The following REEP3 variants were observed in gnomAD, a reference collection of about 807,000 sequenced individuals.
The protein encoded by REEP3 is receptor expression-enhancing protein 3.
A neutral mutation model predicts 41.3 loss-of-function variants in REEP3; 20 were observed. The observed-to-expected ratio is 0.48, with a 90% CI of 0.34 to 0.70. The LOEUF (loss-of-function observed/expected upper bound fraction) is 0.70. REEP3 is among the 30% of genes least tolerant of loss of function. The pLI, the probability that REEP3 is intolerant of heterozygous loss-of-function variation, is 0.01. For synonymous variants in REEP3, 104 were observed against 101.8 expected, an observed-to-expected ratio of 1.02 and a Z score of -0.13; for missense variants, 271 against 308.8, an observed-to-expected ratio of 0.88 and a Z score of 0.92.
intron 2 of REEP3, among the ~76,000 whole-genome samples, chr10:63,580,180 A>G (rs1955938835): frequency 6.6e-6 from 1 of 152,088 alleles, no homozygotes; most frequent in Non-Finnish European, 1.5e-5. Flanking sequence ...TCTGTCGCCC[A>G]GGCTGGAGTG....
intron 5 of REEP3, among the ~76,000 whole-genome samples, chr10:63,603,436 C>T (rs550008125): frequency 1.6e-4 from 25 of 151,654 alleles, no homozygotes; most frequent in African/African-American, 4.8e-4. Context: ...TTTCATATAT[C>T]TATTTTTCTG....
chr10:63,552,867 T>C (rs1955642397), intron 1 of REEP3, among the ~76,000 whole-genome samples: 2 of 152,196 alleles, frequency 1.3e-5, no homozygotes, highest in Admixed American at 1.3e-4. Flanking sequence ...GTAGTGTAGT[T>C]CTTGTGGCAC....
intron 6 of REEP3, among the ~76,000 whole-genome samples, chr10:63,612,229 C>T (rs563446594): frequency 4.6e-5 from 7 of 152,096 alleles, no homozygotes; most frequent in Non-Finnish European, 8.8e-5. Flanking sequence ...GGCTGGAGTG[C>T]GGTGGTACGA....
chr10:63,531,951 T>C (rs749880431), intron 1 of REEP3, among the ~76,000 whole-genome samples: 5 of 152,224 alleles, frequency 3.3e-5, no homozygotes, highest in Non-Finnish European at 7.3e-5. Flanking sequence ...AAAATTCCTA[T>C]GTTTACAGAG....
In REEP3 at chr10:63,556,473, AATACTC is replaced by A. The variant is rs1955681044; in HGVS notation, c.33-9863_33-9858del. ...CAGTCTATATTAATATTAGAGAACT[AATACTC>A]AAACAGAATTTGAGTGAACTATTAT... On this transcript the variant is annotated intron_variant, in intron 1 of 7. Transcript: ENST00000373758. Among the ~76,000 whole-genome samples, 10 of 115,688 alleles carry A rather than the reference AATACTC, an allele frequency of 8.6e-5. No homozygotes were observed. In the South Asian group the frequency reaches 2.4e-3, roughly 28 times the overall value. The allele number at this position is 115,688 out of a possible 152,430, so 75.9% of individuals were successfully genotyped here.
Position 63,573,636 on chromosome 10 carries a change from AC to A in REEP3, c.105+7228del, listed in dbSNP as rs200544691. The stretch of plus-strand genomic sequence containing the variant: ...TCTGCTGACTTGGTTTTTGAAAGTG[AC>A]CTAATTTTCGACTGACTATTTAGGT... On this transcript the variant is annotated intron_variant, in intron 2 of 7. Transcript: ENST00000373758. Among the ~76,000 whole-genome samples the A allele has an allele frequency of 1.6e-3, 244 of 152,342 alleles. 3 individuals carry two copies. In the South Asian group the frequency reaches 0.028, roughly 17 times the overall value.
intron 1 of REEP3, among the ~76,000 whole-genome samples, chr10:63,547,028 TCTC>T (rs1383094987): frequency 1.3e-5 from 2 of 151,914 alleles, no homozygotes; most frequent in Non-Finnish European, 2.9e-5. Flanking sequence ...TTCAAGCAAT[TCTC>T]CTGCCTCAGC....
At chr10:63,526,016 A>G (rs1471866511) in intron 1 of REEP3, among the ~76,000 whole-genome samples, 1 of 152,208 alleles carries the variant, frequency 6.6e-6, no homozygotes, top group East Asian at 1.9e-4. Context: ...AGTAAATGCT[A>G]GTAGTAGTTA....
chr10:63,567,704 T>C (rs1490431007), intron 2 of REEP3, among the ~76,000 whole-genome samples: 1 of 152,206 alleles, frequency 6.6e-6, no homozygotes, highest in Non-Finnish European at 1.5e-5. Context: ...GATATATAGC[T>C]GTGGTTCTTT....
chr10:63,580,364 T>G (rs926032642), intron 2 of REEP3, among the ~76,000 whole-genome samples: 1 of 152,142 alleles, frequency 6.6e-6, no homozygotes, highest in Non-Finnish European at 1.5e-5. Flanking sequence ...CTCAAACTCC[T>G]AGATTCAAGT....
At chr10:63,557,789 A>C (rs1955703220) in intron 1 of REEP3, among the ~76,000 whole-genome samples, 1 of 152,260 alleles carries the variant, frequency 6.6e-6, no homozygotes, top group South Asian at 2.1e-4. Context: ...TAGCAATCAA[A>C]GAAAATAAAA....
intron 1 of REEP3, among the ~76,000 whole-genome samples, chr10:63,560,385 C>T (rs1315161726): frequency 6.6e-6 from 1 of 152,116 alleles, no homozygotes; most frequent in Non-Finnish European, 1.5e-5. Flanking sequence ...GTATATCAGA[C>T]TTGTTTGGTT....
chr10:63,525,620 C>T (rs1006187829), intron 1 of REEP3, among the ~76,000 whole-genome samples: 5 of 151,908 alleles, frequency 3.3e-5, no homozygotes, highest in Admixed American at 6.6e-5. Context: ...GGTTTCACCA[C>T]GTTGGCCAGG....
intron 1 of REEP3, among the ~76,000 whole-genome samples, chr10:63,548,077 G>A (rs1315401815): frequency 6.6e-6 from 1 of 152,184 alleles, no homozygotes; most frequent in Non-Finnish European, 1.5e-5. Flanking sequence ...TCATGAGATG[G>A]CACTGGGATC....
At position 63,609,837 on chromosome 10, in the gene REEP3, A is replaced by G. The variant is rs569241328; in HGVS notation, c.418-350A>G. On this transcript the variant is annotated intron_variant, in intron 5 of 7. Coordinates refer to ENST00000373758, the MANE Select transcript of REEP3 (RefSeq NM_001001330.3). ...CCCTAAATATTAAAGTTTAAGCCCCAAAGTGCTAGTTTTAGGAGACATCAA... is the reference window on the plus strand; with the variant it reads ...CCCTAAATATTAAAGTTTAAGCCCCGAAGTGCTAGTTTTAGGAGACATCAA... 9.2e-5 allele frequency among the ~76,000 whole-genome samples: 14 copies of G among 152,328 alleles called. No homozygotes were observed. The South Asian group carries it at 2.7e-3, about 29-fold the overall frequency.
At chr10:63,564,794 T>A (rs1955781201) in intron 1 of REEP3, among the ~76,000 whole-genome samples, 1 of 152,170 alleles carries the variant, frequency 6.6e-6, no homozygotes. Context: ...AAAATGTGTG[T>A]ACCCCTTGAA....
chr10:63,572,515 CCT>C (rs550725204), intron 2 of REEP3, among the ~76,000 whole-genome samples: 102 of 152,172 alleles, frequency 6.7e-4, no homozygotes, highest in Non-Finnish European at 1.3e-3. Context: ...TGTTCCCCTC[CCT>C]GTGTCCACGT....
chr10:63,536,681 AAAAAG>A (rs1955477329), intron 1 of REEP3, among the ~76,000 whole-genome samples: 2 of 152,296 alleles, frequency 1.3e-5, no homozygotes, highest in African/African-American at 2.4e-5. Flanking sequence ...AAATTAACCT[AAAAAG>A]AAAAGTGGAC....
chr10:63,587,484 C>T (rs1297898390), intron 2 of REEP3, among the ~76,000 whole-genome samples: 1 of 152,194 alleles, frequency 6.6e-6, no homozygotes, highest in African/African-American at 2.4e-5. Context: ...AGTGTAACCT[C>T]TTATACTGCG....
Sources: allele counts gnomAD v4.1 joint callset (sites outside exome capture counted in the v4.1 genomes callset), GRCh38; gene constraint gnomAD v4.1.1; transcripts MANE v1.5; gene names NCBI Gene and HGNC (gene_info 2026-07-23, HGNC 2026-07-21).